Variants in PTOV1 observed in about 807,000 individuals in gnomAD.
PTOV1 encodes prostate tumor-overexpressed gene 1 protein.
Under a neutral mutation model 58.0 loss-of-function variants are expected in PTOV1, and 20 were observed. That is an observed-to-expected ratio of 0.34 (90% CI 0.24 to 0.50). The LOEUF is 0.50. Ranked by LOEUF, PTOV1 falls within the 20% of genes least tolerant of loss-of-function variation. PTOV1 has a pLI of 0.98. For synonymous variants in PTOV1, 335 were observed against 234.2 expected, an observed-to-expected ratio of 1.43 and a Z score of -3.93; for missense variants, 593 against 565.4, an observed-to-expected ratio of 1.05 and a Z score of -0.50.
At chr19:49,851,830 T>G in intron 1 of PTOV1, 2 of 998,298 alleles carry the variant, frequency 2.0e-6, no homozygotes, top group Non-Finnish European at 2.4e-6. Flanking sequence ...TATTGGAGAG[T>G]TGCTCGCTCT....
intron 1 of PTOV1, 134 bp from the exon 2 acceptor site, chr19:49,854,272 G>C: frequency 8.3e-7 from 1 of 1,203,262 alleles, no homozygotes; most frequent in Non-Finnish European, 1.2e-6. Flanking sequence ...CAGAGGGTTT[G>C]GACATGGCCC....
intron 5 of PTOV1, chr19:49,855,378 G>A (rs1489026734): frequency 4.5e-6 from 2 of 449,220 alleles, no homozygotes; most frequent in African/African-American, 2.0e-5. Context: ...GGAGCCTGTC[G>A]GGGACACATA....
chr19:49,857,244 A>G (rs1458952259), intron 6 of PTOV1, 114 bp downstream of exon 6: 1 of 1,430,134 alleles, frequency 7.0e-7, no homozygotes, highest in Non-Finnish European at 9.6e-7. Context: ...TGGAGCAAGG[A>G]GCTGCAGGGG....
exon 1 of PTOV1, chr19:49,851,471 G>T: frequency 8.2e-7 from 1 of 1,220,612 alleles, no homozygotes; most frequent in Non-Finnish European, 1.0e-6. Context: ...CAGCCTCCGC[G>T]GATCCGGGCC....
chr19:49,851,540 GCCCCCCC>G, intron 1 of PTOV1, 41 bp downstream of exon 1: 1 of 925,570 alleles, frequency 1.1e-6, no homozygotes, highest in East Asian at 5.4e-5. Context: ...CCACGGCCCC[GCCCCCCC>G]AGCCCCTATC....
intron 11 of PTOV1, 41 bp from the exon 12 acceptor site, chr19:49,860,227 C>T (rs1438636120): frequency 6.2e-7 from 1 of 1,613,592 alleles, no homozygotes; most frequent in Non-Finnish European, 8.5e-7. Flanking sequence ...CCCTCCACCC[C>T]CGCTGCCTGC....
At chr19:49,858,509 G>A in intron 9 of PTOV1, 40 bp from the exon 10 acceptor site, 3 of 1,512,902 alleles carry the variant, frequency 2.0e-6, no homozygotes, top group Non-Finnish European at 2.7e-6. Flanking sequence ...AGGCCGTGGT[G>A]GGAGAAGCCA....
At chr19:49,859,454 G>C (rs1015152741) in intron 10 of PTOV1, among the ~76,000 whole-genome samples, 31 of 150,650 alleles carry the variant, frequency 2.1e-4, no homozygotes, top group Middle Eastern at 3.4e-3. Flanking sequence ...AGCCAGGCAT[G>C]ATGGCCACTC....
In PTOV1 at chr19:49,851,951, G is replaced by A. The variant is rs967184689; in HGVS notation, c.171+452G>A. ...TCGCACCCGTGGGCGTTCTCCCCTG[G>A]CGGCCGCTCCGTGCCCGTGGAGTGC... On this transcript the variant is annotated intron_variant, in intron 1 of 11. Coordinates refer to ENST00000391842, the Ensembl canonical transcript of PTOV1. The A allele has an allele frequency of 6.1e-6, 6 of 985,076 alleles. No individual in the cohort carries two copies. The African/African-American group carries it at 7.0e-5, about 11-fold the overall frequency. The allele number at this position is 985,076 out of a possible 1,614,324, so 61.0% of individuals were successfully genotyped here. A position where few individuals can be genotyped will look rare whatever the true frequency, so the allele number is the denominator to read the frequency against.
exon 11 of PTOV1, chr19:49,860,109 G>A (rs773835265): frequency 5.6e-6 from 9 of 1,614,196 alleles, no homozygotes; most frequent in East Asian, 4.5e-5. Flanking sequence ...CTTTGTCAAC[G>A]GCATCCGGCG....
exon 1 of PTOV1, chr19:49,851,350 C>G: frequency 9.1e-7 from 1 of 1,098,286 alleles, no homozygotes; most frequent in Admixed American, 5.2e-5. Context: ...GCGCCGTGCC[C>G]CGTACCGCTC....
At chr19:49,854,363 G>A (rs1231155978) in intron 1 of PTOV1, 43 bp from the exon 2 acceptor site, 1 of 1,581,270 alleles carries the variant, frequency 6.3e-7, no homozygotes, top group Non-Finnish European at 8.6e-7. Context: ...GTCCTTGCAG[G>A]CCCCGGCCTC....
Position 49,854,390 on chromosome 19 carries a change from C to T in PTOV1, c.172-16C>T. On this transcript the variant is annotated splice_polypyrimidine_tract_variant and intron_variant, in intron 1 of 11. Transcript: ENST00000391842. ...CCCGGCCTCAGTTTTCCCACCTATC[C>T]CCCACTCCATTGCAGGAAGGTGCTC... is the stretch of plus-strand genomic sequence containing the variant. The T allele has an allele frequency of 2.5e-6, 4 of 1,602,808 alleles. No individual in the cohort carries two copies.
chr19:49,858,762 G>C (rs2074599417), intron 10 of PTOV1, 109 bp downstream of exon 10: 1 of 940,834 alleles, frequency 1.1e-6, no homozygotes, highest in Non-Finnish European at 1.6e-6. Context: ...TCCCAGACCA[G>C]CTGGGGAGAG....
chr19:49,855,435 AG>A, intron 5 of PTOV1: 1 of 309,610 alleles, frequency 3.2e-6, no homozygotes, highest in South Asian at 3.6e-5. Flanking sequence ...CACAAGAGCC[AG>A]CCAGGAGGGA....
intron 5 of PTOV1, 21 bp downstream of exon 5, chr19:49,855,098 TG>T: frequency 1.3e-6 from 2 of 1,554,640 alleles, no homozygotes; most frequent in Non-Finnish European, 1.7e-6. Flanking sequence ...CGGGCTCCCT[TG>T]TAGCACTGTG....
At chr19:49,851,796 G>C in intron 1 of PTOV1, 1 of 1,037,784 alleles carries the variant, frequency 9.6e-7, no homozygotes, top group Non-Finnish European at 1.2e-6. Context: ...CAGACAGGCA[G>C]CCGGCACGCT....
intron 1 of PTOV1, chr19:49,851,873 T>TGGGGGACAGCGGCGAGGGA: frequency 2.0e-6 from 2 of 983,322 alleles, no homozygotes; most frequent in Non-Finnish European, 1.2e-6. Context: ...GGGGCGGTTT[T>TGGGGGACAGCGGCGAGGGA]GGGGGACAGC....
chr19:49,850,969 T>A, upstream of PTOV1: 2 of 1,535,204 alleles, frequency 1.3e-6, no homozygotes, highest in South Asian at 2.4e-5. Flanking sequence ...GGGGCTCCCG[T>A]TCCCGCCACG....
Sources: gnomAD v4.1 joint callset for allele counts (sites outside exome capture counted in the v4.1 genomes callset) on GRCh38, gnomAD v4.1.1 for gene constraint, MANE v1.5 for transcripts, NCBI Gene and HGNC (gene_info 2026-07-23, HGNC 2026-07-21) for gene names.